TNFSF15: variants seen among roughly 807,000 people sequenced by gnomAD.
TNFSF15 encodes the protein tumor necrosis factor ligand superfamily member 15.
Under a neutral mutation model 26.4 loss-of-function variants are expected in TNFSF15, and 15 were observed. The ratio of observed to expected loss-of-function variants is 0.57; its 90% CI spans 0.38 to 0.87. The LOEUF (loss-of-function observed/expected upper bound fraction) is 0.87. Among genes scored for constraint, TNFSF15 ranks in the 40% least tolerant of loss-of-function variants. The probability of loss-of-function intolerance (pLI) is 0.00; values close to 1 mark genes in which losing one functional copy is unlikely to be tolerated. For missense variants in TNFSF15, 290 were observed against 306.1 expected, an observed-to-expected ratio of 0.95 and a Z score of 0.39; for synonymous variants, 116 against 115.0, an observed-to-expected ratio of 1.01 and a Z score of -0.06.
chr9:114,798,935 A>G (rs992212770), intron 1 of TNFSF15, among the ~76,000 whole-genome samples: 2 of 152,252 alleles, frequency 1.3e-5, no homozygotes, highest in African/African-American at 4.8e-5. Flanking sequence ...GTAATTGCAA[A>G]GGCATAAATG....
chr9:114,805,970 C>A lies in TNFSF15; in HGVS notation c.43G>T (p.Val15Leu). The A allele has an allele frequency of 6.2e-7, 1 of 1,614,142 alleles. No individual in the cohort carries two copies. The highest frequency in any genetic ancestry group is 8.5e-7 in the Non-Finnish European group (1 of 1,180,032). ...CTGCCGTGCTCTGGCAGCATTTCCACACTGGCTGTTTCCCCAAAGCTCAGT... is the reference window on the plus strand; with the variant it reads ...CTGCCGTGCTCTGGCAGCATTTCCAAACTGGCTGTTTCCCCAAAGCTCAGT... ...LGLSFGETAS[V>L]EMLPEHGSCR... The change falls in exon 1 of 4, where the codon GTG becomes TTG. Residue 15 changes from valine to leucine, a missense_variant. By Grantham distance (32) the Val-to-Leu change is conservative (BLOSUM62 1). This residue lies in a region of TNFSF15 where 179 missense variants were observed against 165.9 expected (regional missense o/e 1.08). Coordinates refer to ENST00000374045, the MANE Select transcript of TNFSF15 (RefSeq NM_005118.4).
intron 1 of TNFSF15, among the ~76,000 whole-genome samples, chr9:114,795,667 AAATC>A (rs1165506312): frequency 6.6e-6 from 1 of 152,178 alleles, no homozygotes; most frequent in Non-Finnish European, 1.5e-5. Flanking sequence ...GGGGGTCTTG[AAATC>A]AATCCCTGTG....
intron 2 of TNFSF15, 32 bp downstream of exon 2, chr9:114,793,494 C>G: frequency 6.2e-7 from 1 of 1,612,040 alleles, no homozygotes; most frequent in East Asian, 2.2e-5. Flanking sequence ...TTATTCCCCA[C>G]GAGGAAAGGC....
intron 1 of TNFSF15, among the ~76,000 whole-genome samples, chr9:114,796,473 G>C (rs1342181298): frequency 6.6e-6 from 1 of 152,212 alleles, no homozygotes; most frequent in Non-Finnish European, 1.5e-5. Context: ...CCAGCCATGA[G>C]AGGCAACCAC....
intron 2 of TNFSF15, among the ~76,000 whole-genome samples, chr9:114,792,998 GTCTATTAGT>G (rs1000136502): frequency 7.2e-5 from 11 of 152,092 alleles, no homozygotes; most frequent in African/African-American, 1.7e-4. Context: ...GCCTCTGTTT[GTCTATTAGT>G]TCTTGAGAAG....
rs147209377 is a variant in TNFSF15, at chr9:114,804,701, A to G, written c.210+1102T>C. On this transcript the variant is annotated intron_variant, in intron 1 of 3. Coordinates refer to ENST00000374045, the MANE Select transcript of TNFSF15 (RefSeq NM_005118.4). ...AACAGCATTTCCGGTTTGTCTGCAT[A>G]TTTCTACATTTTATGAGCAATGGCA... Among the ~76,000 whole-genome samples, 5 of 152,234 alleles carry G rather than the reference A, an allele frequency of 3.3e-5. No individual in the cohort carries two copies. In the East Asian group the frequency reaches 9.7e-4, roughly 29 times the overall value.
intron 1 of TNFSF15, among the ~76,000 whole-genome samples, chr9:114,797,242 T>C (rs1403094116): frequency 6.6e-6 from 1 of 152,226 alleles, no homozygotes; most frequent in Non-Finnish European, 1.5e-5. Context: ...TGTGGACACA[T>C]TTCCCTGTTT....
intron 1 of TNFSF15, 22 bp downstream of exon 1, chr9:114,805,781 G>A (rs1413402867): frequency 6.2e-7 from 1 of 1,610,068 alleles, no homozygotes; most frequent in Admixed American, 1.7e-5. Context: ...CCTCCCCAAG[G>A]TCAGAGTGCC....
chr9:114,799,197 C>G (rs556359724), intron 1 of TNFSF15, among the ~76,000 whole-genome samples: 2 of 152,232 alleles, frequency 1.3e-5, no homozygotes, highest in Non-Finnish European at 2.9e-5. Flanking sequence ...GAAATCCCAG[C>G]TCCATTATTT....
Position 114,786,387 on chromosome 9 carries a change from G to A in TNFSF15, c.*4065C>T, listed in dbSNP as rs1192848489. The A allele has an allele frequency of 1.3e-5, 2 of 152,242 alleles. No homozygotes were observed. The highest frequency in any genetic ancestry group is 4.8e-5 in the African/African-American group (2 of 41,448). The allele number at this position is 152,242 out of a possible 1,614,324, so 9.4% of individuals were successfully genotyped here. ...AAGGGCTTGGGAAAATACCTTGCAA[G>A]AGAATGTTGGCAATGGCCGTGCCTT... On this transcript the variant is annotated 3_prime_UTR_variant, in exon 4 of 4. Transcript: ENST00000374045.
Position 114,786,902 on chromosome 9 carries a change from ACT to A in TNFSF15, c.*3548_*3549del, listed in dbSNP as rs1238523598. ...ACTTCAGCCTGGGTGACAAAGCAAG[ACT>A]CTGTCTCAAAAAAAAAAAAAAAAAA... On this transcript the variant is annotated 3_prime_UTR_variant, in exon 4 of 4. Coordinates refer to ENST00000374045, the MANE Select transcript of TNFSF15 (RefSeq NM_005118.4). The A allele has an allele frequency of 8.2e-6, 1 of 121,312 alleles. No homozygotes were observed. Among genetic ancestry groups the A allele is most frequent in the Admixed American group, 9.7e-5 (1 of 10,292 alleles). 7.5% of individuals were successfully genotyped at this position (121,312 alleles called of 1,614,324 possible).
intron 1 of TNFSF15, among the ~76,000 whole-genome samples, chr9:114,804,985 T>A (rs149238563): frequency 1.0e-3 from 157 of 152,334 alleles, no homozygotes; most frequent in African/African-American, 3.6e-3. Flanking sequence ...CTGGAAAGAC[T>A]CATTCCTTAG....
chr9:114,801,237 T>A (rs1338637287), intron 1 of TNFSF15, among the ~76,000 whole-genome samples: 5 of 152,144 alleles, frequency 3.3e-5, no homozygotes, highest in Non-Finnish European at 7.4e-5. Flanking sequence ...CCAGAGAGGA[T>A]GGAGGCCTGG....
In TNFSF15 at chr9:114,788,136, A is replaced by G. The variant is rs555389495; in HGVS notation, c.*2316T>C. 12 of 153,918 alleles carry G rather than the reference A, an allele frequency of 7.8e-5. No homozygotes were observed. The highest frequency in any genetic ancestry group is 2.9e-4 in the African/African-American group (12 of 41,594). 9.5% of individuals were successfully genotyped at this position (153,918 alleles called of 1,614,324 possible). On this transcript the variant is annotated 3_prime_UTR_variant, in exon 4 of 4. Coordinates refer to ENST00000374045, the MANE Select transcript of TNFSF15 (RefSeq NM_005118.4). ...ATTGAGGAAACATTCTTGATCTACC[A>G]ATAAATATTGTCCTAGGAATTGGTT...
At chr9:114,793,747 A>T (rs991449545) in intron 1 of TNFSF15, among the ~76,000 whole-genome samples, 179 bp from the exon 2 acceptor site, 2 of 152,122 alleles carry the variant, frequency 1.3e-5, no homozygotes, top group African/African-American at 4.8e-5. Flanking sequence ...TCAGCTCTCC[A>T]CTTTCCTCCC....
intron 1 of TNFSF15, among the ~76,000 whole-genome samples, chr9:114,798,530 C>G (rs1829701726): frequency 6.6e-6 from 1 of 152,128 alleles, no homozygotes. Flanking sequence ...GTGCCAGGTC[C>G]TGTATTGGGC....
intron 1 of TNFSF15, among the ~76,000 whole-genome samples, chr9:114,796,499 G>A (rs1382395528): frequency 6.6e-6 from 1 of 152,182 alleles, no homozygotes; most frequent in African/African-American, 2.4e-5. Context: ...ATTGATTCAA[G>A]GTATCTGAAG....
At position 114,787,231 on chromosome 9, in the gene TNFSF15, A is replaced by G. The variant is rs973541548; in HGVS notation, c.*3221T>C. 1 of 152,228 alleles carries G rather than the reference A, an allele frequency of 6.6e-6. No individual in the cohort carries two copies. The highest frequency in any genetic ancestry group is 2.4e-5 in the African/African-American group (1 of 41,466). The allele number at this position is 152,228 out of a possible 1,614,324, so 9.4% of individuals were successfully genotyped here. ...CTTGATTTATGGAAAACTATCCTTG[A>G]GTAGCTATTTTTAAAAAAACACTTC... On this transcript the variant is annotated 3_prime_UTR_variant, in exon 4 of 4. Coordinates refer to ENST00000374045, the MANE Select transcript of TNFSF15 (RefSeq NM_005118.4).
At chr9:114,792,335 T>C (rs1315556674) in intron 3 of TNFSF15, 72 bp downstream of exon 3, 45 of 1,561,178 alleles carry the variant, frequency 2.9e-5, no homozygotes, top group Non-Finnish European at 3.8e-5. Flanking sequence ...AGAATGAATT[T>C]TGGTAAAGTG....
Sources: gnomAD v4.1 joint callset for allele counts (sites outside exome capture counted in the v4.1 genomes callset) on GRCh38, gnomAD v4.1.1 for gene constraint, gnomAD v4.1.1 regional missense constraint, MANE v1.5 for transcripts, NCBI Gene and HGNC (gene_info 2026-07-23, HGNC 2026-07-21) for gene names.